The following PTPRB variants were observed in gnomAD, a reference collection of about 807,000 sequenced individuals.
The protein encoded by PTPRB is receptor-type tyrosine-protein phosphatase beta.
In PTPRB, 97 loss-of-function variants were observed where a neutral mutation model predicts 238.1. The observed-to-expected ratio is 0.41, with a 90% CI of 0.35 to 0.48. PTPRB has a LOEUF of 0.48. Ranked by LOEUF, PTPRB falls within the 20% of genes least tolerant of loss-of-function variation. The pLI is 0.30. For missense variants in PTPRB, 2,292 were observed against 2,681.9 expected (o/e 0.85, Z 3.21); for synonymous variants, 970 against 995.4 (o/e 0.97, Z 0.48).
chr12:70,533,639 A>T (rs1358408046), intron 31 of PTPRB, among the ~76,000 whole-genome samples: 1 of 152,184 alleles, frequency 6.6e-6, no homozygotes, highest in Non-Finnish European at 1.5e-5. Flanking sequence ...TCATGTTGAA[A>T]CTTAATCTTC....
intron 33 of PTPRB, chr12:70,522,488 A>ATAGAT (rs1871760309): frequency 6.6e-6 from 1 of 152,240 alleles, no homozygotes; most frequent in Admixed American, 6.5e-5. Context: ...TTAGGCAGTA[A>ATAGAT]TAGATAACTA....
In PTPRB at chr12:70,521,444, T is replaced by A. The variant is rs1871639903; in HGVS notation, c.*45A>T. ...CATGAAGCAAGTTTTTAAAAACAAA[T>A]CACACAGTGAATAATTTTTATCCAG... On this transcript the variant is annotated 3_prime_UTR_variant, in exon 34 of 34. Coordinates refer to ENST00000334414, the MANE Select transcript of PTPRB (RefSeq NM_001109754.4). The A allele has an allele frequency of 4.7e-6, 7 of 1,501,602 alleles. No individual in the cohort carries two copies. Among genetic ancestry groups the A allele is most frequent in the Admixed American group, 4.5e-5 (2 of 44,100 alleles). The allele number at this position is 1,501,602 out of a possible 1,614,324, so 93.0% of individuals were successfully genotyped here.
intron 2 of PTPRB, 139 bp downstream of exon 2, chr12:70,635,532 T>C: frequency 8.8e-7 from 1 of 1,131,002 alleles, no homozygotes; most frequent in East Asian, 2.5e-5. Context: ...CTCCATTAGC[T>C]TATGAATCTT....
In PTPRB at chr12:70,566,517, T is replaced by C; in HGVS notation, c.3822A>G (p.Thr1274=). The change falls in exon 15 of 34, where the codon ACA becomes ACG. Residue 1274 remains threonine (T), a synonymous_variant. Coordinates refer to ENST00000334414, the MANE Select transcript of PTPRB (RefSeq NM_001109754.4). ...TTKQHKFEDL[T]PGKKYKIQIL... Reference sequence around the variant, plus strand: ...TCTGTATCTTGTATTTCTTGCCTGGTGTTAGATCTTCAAATTTGTGTTGCT... The same window carrying C: ...TCTGTATCTTGTATTTCTTGCCTGGCGTTAGATCTTCAAATTTGTGTTGCT... 3.1e-6 allele frequency: 5 copies of C among 1,614,022 alleles called. No individual in the cohort carries two copies. Among genetic ancestry groups the C allele is most frequent in the Non-Finnish European group, 4.2e-6 (5 of 1,179,894 alleles).
rs1017990560 is a variant in PTPRB, at chr12:70,626,472, T to G, written c.452-3826A>C. 4.0e-5 allele frequency among the ~76,000 whole-genome samples: 6 copies of G among 151,478 alleles called. No homozygotes were observed. In the Admixed American group the frequency reaches 4.0e-4, roughly 10 times the overall value. On this transcript the variant is annotated intron_variant, in intron 2 of 33. Transcript: ENST00000334414. ...TATCTGCGGGTTCCTCATCGGTGGATTCAACCAATTGCAGATCAAACATAT... is the reference window on the plus strand; with the variant it reads ...TATCTGCGGGTTCCTCATCGGTGGAGTCAACCAATTGCAGATCAAACATAT...
At chr12:70,609,818 G>A in intron 3 of PTPRB, 1 of 1,581,104 alleles carries the variant, frequency 6.3e-7, no homozygotes. Context: ...TCAGCATTGC[G>A]CTCAGTAGTT....
intron 2 of PTPRB, among the ~76,000 whole-genome samples, chr12:70,625,280 C>T (rs193071436): frequency 1.3e-4 from 20 of 152,238 alleles, no homozygotes; most frequent in African/African-American, 4.3e-4. Context: ...CTTTTGTAGC[C>T]ATCAGAATCA....
At chr12:70,538,567 G>A (rs1874539503) in intron 27 of PTPRB, 1 of 433,262 alleles carries the variant, frequency 2.3e-6, no homozygotes, top group South Asian at 3.7e-5. Context: ...AATGGGGTAA[G>A]GAAATTTAAG....
chr12:70,550,550 C>G (rs544908570), intron 21 of PTPRB, among the ~76,000 whole-genome samples: 1 of 152,274 alleles, frequency 6.6e-6, no homozygotes, highest in Admixed American at 6.5e-5. Flanking sequence ...CCTTATGGAG[C>G]TTTGCAGGTG....
chr12:70,604,437 C>T (rs1023360429), intron 4 of PTPRB, among the ~76,000 whole-genome samples: 1 of 152,206 alleles, frequency 6.6e-6, no homozygotes, highest in Admixed American at 6.5e-5. Context: ...TTGTGTGCAT[C>T]GATTCACTCT....
chr12:70,559,911 C>T (rs143939858), intron 17 of PTPRB, among the ~76,000 whole-genome samples: 11 of 148,112 alleles, frequency 7.4e-5, no homozygotes, highest in East Asian at 2.0e-4. Context: ...TCTTGGCTCA[C>T]TGCAACCTCC....
intron 2 of PTPRB, among the ~76,000 whole-genome samples, chr12:70,630,648 A>T (rs1450054792): frequency 6.6e-6 from 1 of 152,236 alleles, no homozygotes; most frequent in Non-Finnish European, 1.5e-5. Flanking sequence ...TGCAGATGAC[A>T]TGATTGTATA....
chr12:70,615,447 T>C (rs1264253287), intron 3 of PTPRB, among the ~76,000 whole-genome samples: 2 of 152,196 alleles, frequency 1.3e-5, no homozygotes, highest in African/African-American at 2.4e-5. Flanking sequence ...TAAGGTTTCC[T>C]GGTATTCTTT....
chr12:70,587,908 C>T (rs532328387), intron 8 of PTPRB, among the ~76,000 whole-genome samples: 1 of 151,656 alleles, frequency 6.6e-6, no homozygotes, highest in Non-Finnish European at 1.5e-5. Flanking sequence ...TGAGACCACC[C>T]TGGCCAATAT....
At chr12:70,596,446 T>A in intron 4 of PTPRB, 119 bp from the exon 5 acceptor site, 23 of 1,085,968 alleles carry the variant, frequency 2.1e-5, no homozygotes, top group Non-Finnish European at 2.6e-5. Flanking sequence ...CAGGTTCATT[T>A]TTCTCAAAAA....
At chr12:70,564,024 C>T (rs1183098761) in intron 15 of PTPRB, among the ~76,000 whole-genome samples, 1 of 152,202 alleles carries the variant, frequency 6.6e-6, no homozygotes, top group East Asian at 1.9e-4. Flanking sequence ...CTCATCCTCG[C>T]TCACTCTGTT....
chr12:70,529,935 C>CAAAATCCATGGGGAGTAGAGGA (rs138777401), intron 32 of PTPRB, among the ~76,000 whole-genome samples: 3 of 151,902 alleles, frequency 2.0e-5, no homozygotes, highest in Non-Finnish European at 4.4e-5. Flanking sequence ...CACCAGCTGA[C>CAAAATCCATGGGGAGTAGAGGA]AAAATCCATG....
At chr12:70,533,655 A>C (rs2136229553) in intron 31 of PTPRB, among the ~76,000 whole-genome samples, 1 of 152,336 alleles carries the variant, frequency 6.6e-6, no homozygotes, top group East Asian at 1.9e-4. Context: ...TCTTCAATGC[A>C]ACAGTATTAA....
chr12:70,578,073 A>C (rs1471779775), intron 10 of PTPRB, among the ~76,000 whole-genome samples: 2 of 152,200 alleles, frequency 1.3e-5, no homozygotes, highest in African/African-American at 4.8e-5. Context: ...GTTTTCACAG[A>C]AATATGATTC....
Sources: gnomAD v4.1 joint callset for allele counts (sites outside exome capture counted in the v4.1 genomes callset) on GRCh38, gnomAD v4.1.1 for gene constraint, MANE v1.5 for transcripts, NCBI Gene and HGNC (gene_info 2026-07-23, HGNC 2026-07-21) for gene names.